DCC: variants seen among roughly 807,000 people sequenced by gnomAD.
DCC encodes the protein netrin receptor DCC.
Under a neutral mutation model 172.5 loss-of-function variants are expected in DCC, and 58 were observed. The ratio of observed to expected loss-of-function variants is 0.34; its 90% CI spans 0.27 to 0.42. The LOEUF is 0.42. Ranked by LOEUF, DCC falls within the 10% of genes least tolerant of loss-of-function variation. The probability of loss-of-function intolerance (pLI) is 1.00; values close to 1 mark genes in which losing one functional copy is unlikely to be tolerated. For synonymous variants in DCC, 709 were observed against 644.5 expected, an observed-to-expected ratio of 1.10 and a Z score of -1.52; for missense variants, 1,740 against 1,791.0, an observed-to-expected ratio of 0.97 and a Z score of 0.51.
chr18:52,803,564 A>G (rs1447408886), intron 2 of DCC, among the ~76,000 whole-genome samples: 1 of 152,194 alleles, frequency 6.6e-6, no homozygotes, highest in African/African-American at 2.4e-5. Context: ...GTACCTATAT[A>G]TTATATACAT....
chr18:53,162,570 C>T (rs745684153), intron 8 of DCC, among the ~76,000 whole-genome samples: 2 of 152,168 alleles, frequency 1.3e-5, no homozygotes, highest in African/African-American at 4.8e-5. Context: ...AACCTCATCA[C>T]GTAGCACTTT....
At chr18:52,927,059 A>G (rs1175730324) in intron 5 of DCC, among the ~76,000 whole-genome samples, 11 of 108,656 alleles carry the variant, frequency 1.0e-4, no homozygotes, top group African/African-American at 3.4e-4. Flanking sequence ...ATATATACAC[A>G]TATATACACA....
At chr18:53,036,846 G>A (rs143006551) in intron 5 of DCC, among the ~76,000 whole-genome samples, 2,169 of 152,058 alleles carry the variant, frequency 0.014, 21 homozygotes, top group Middle Eastern at 0.027. Context: ...TAGAGGCTTG[G>A]AGATGTGTTC....
At chr18:52,901,171 G>A (rs751779629) in intron 2 of DCC, among the ~76,000 whole-genome samples, 6 of 152,098 alleles carry the variant, frequency 3.9e-5, no homozygotes, top group Admixed American at 6.6e-5. Context: ...AGTGACTCAC[G>A]CCTGTGATCC....
At chr18:53,160,212 T>C (rs1387126693) in intron 8 of DCC, among the ~76,000 whole-genome samples, 2 of 152,178 alleles carry the variant, frequency 1.3e-5, no homozygotes, top group Non-Finnish European at 2.9e-5. Flanking sequence ...CTTGCTGCCA[T>C]GGTTATACCA....
intron 1 of DCC, among the ~76,000 whole-genome samples, chr18:52,613,375 C>T (rs1412521793): frequency 6.6e-6 from 1 of 152,140 alleles, no homozygotes; most frequent in Non-Finnish European, 1.5e-5. Flanking sequence ...CCTGCCTCAG[C>T]CTCCCGAGTA....
intron 7 of DCC, among the ~76,000 whole-genome samples, chr18:53,081,240 T>C (rs973471082): frequency 1.3e-5 from 2 of 152,100 alleles, no homozygotes; most frequent in Admixed American, 1.3e-4. Context: ...TATGGATTTA[T>C]GTAATGAGTT....
rs755054672 is a variant in DCC, at chr18:53,179,079, G to C, written c.1536G>C (p.Glu512Asp). Residue 512 changes from glutamate (E) to aspartate (D), a missense_variant, in exon 9 of 29, where the codon GAG becomes GAC. By Grantham distance (45) the Glu-to-Asp change is conservative. This residue lies in a region of DCC where 1,732 missense variants were observed against 1,767.4 expected (regional missense o/e 0.98). Coordinates refer to ENST00000442544, the MANE Select transcript of DCC (RefSeq NM_005215.4). ...VVAYNEWGPG[E>D]SSQPIKVATQ... ...CTTACAATGAATGGGGACCGGGAGA[G>C]AGTTCTCAACCCATCAAGGTGGCCA... is the stretch of plus-strand genomic sequence containing the variant. 1 of 1,613,966 alleles carries C rather than the reference G, an allele frequency of 6.2e-7. No homozygotes were observed. Among genetic ancestry groups the C allele is most frequent in the Middle Eastern group, 1.7e-4 (1 of 6,060 alleles).
At chr18:53,287,356 T>A (rs1013984812) in intron 12 of DCC, among the ~76,000 whole-genome samples, 2 of 152,220 alleles carry the variant, frequency 1.3e-5, no homozygotes, top group Non-Finnish European at 2.9e-5. Flanking sequence ...TGTATGGATA[T>A]ACTACATTTT....
At chr18:53,099,935 C>CTTTTTTTTTTT (rs1476054809) in intron 7 of DCC, among the ~76,000 whole-genome samples, 2 of 117,110 alleles carry the variant, frequency 1.7e-5, no homozygotes, top group African/African-American at 7.6e-5. Flanking sequence ...CTTTTCTTTT[C>CTTTTTTTTTTT]TTTCTTTCTT....
intron 5 of DCC, among the ~76,000 whole-genome samples, chr18:53,001,922 G>A (rs2041570702): frequency 6.6e-6 from 1 of 151,998 alleles, no homozygotes; most frequent in South Asian, 2.1e-4. Context: ...CAAATTACTG[G>A]AGTAGTAAAA....
chr18:52,974,463 TCTGA>T (rs1325956256), intron 5 of DCC, among the ~76,000 whole-genome samples: 1 of 152,176 alleles, frequency 6.6e-6, no homozygotes, highest in Non-Finnish European at 1.5e-5. Context: ...CCCAAACCAC[TCTGA>T]CTGTTAATAA....
intron 26 of DCC, among the ~76,000 whole-genome samples, chr18:53,495,379 G>A (rs1450588056): frequency 3.7e-5 from 4 of 108,832 alleles, no homozygotes; most frequent in Admixed American, 1.1e-4. Context: ...AACAGAGCAA[G>A]ACTCCATCTC....
intron 5 of DCC, among the ~76,000 whole-genome samples, chr18:53,006,794 G>T (rs767844448): frequency 6.6e-6 from 1 of 152,156 alleles, no homozygotes; most frequent in Non-Finnish European, 1.5e-5. Flanking sequence ...TGTAAGTTCC[G>T]CTGAGTAGAG....
At chr18:52,796,344 G>A (rs1338128164) in intron 2 of DCC, among the ~76,000 whole-genome samples, 2 of 151,900 alleles carry the variant, frequency 1.3e-5, no homozygotes, top group Admixed American at 6.6e-5. Flanking sequence ...TCATGGTTTG[G>A]TGATTTTCAG....
At chr18:52,786,048 T>C (rs1204789259) in intron 2 of DCC, among the ~76,000 whole-genome samples, 2 of 152,102 alleles carry the variant, frequency 1.3e-5, no homozygotes, top group African/African-American at 4.8e-5. Context: ...TTTATAGCCC[T>C]ACTGCAAATA....
In DCC at chr18:53,155,494, C is replaced by A. The variant is rs987311353; in HGVS notation, c.1262-1862C>A. On this transcript the variant is annotated intron_variant, in intron 7 of 28. Coordinates refer to ENST00000442544, the MANE Select transcript of DCC (RefSeq NM_005215.4). ...AGCTGAATTATGAATTCACACACAC[C>A]CAAGCAGACACACACTACAAAATAT... 5.3e-5 allele frequency among the ~76,000 whole-genome samples: 8 copies of A among 152,188 alleles called. No homozygotes were observed. The South Asian group carries it at 1.7e-3, about 32-fold the overall frequency.
chr18:53,495,362 C>T (rs1446394610), intron 26 of DCC, among the ~76,000 whole-genome samples: 1 of 146,150 alleles, frequency 6.8e-6, no homozygotes, highest in Non-Finnish European at 1.5e-5. Flanking sequence ...TGCATTCCAG[C>T]CTGGGTAACA....
chr18:53,370,315 C>T (rs2058047689), intron 15 of DCC, among the ~76,000 whole-genome samples: 2 of 151,620 alleles, frequency 1.3e-5, no homozygotes, highest in South Asian at 4.1e-4. Context: ...TAATTTCTCA[C>T]TTCAGTAATT....
Sources: gnomAD v4.1 joint callset for allele counts (sites outside exome capture counted in the v4.1 genomes callset) on GRCh38, gnomAD v4.1.1 for gene constraint, gnomAD v4.1.1 regional missense constraint, MANE v1.5 for transcripts, NCBI Gene and HGNC (gene_info 2026-07-23, HGNC 2026-07-21) for gene names.